The following NKAIN3 variants were observed in gnomAD, a reference collection of about 807,000 sequenced individuals.
NKAIN3 encodes sodium/potassium-transporting ATPase subunit beta-1-interacting protein 3.
Under a neutral mutation model 30.2 loss-of-function variants are expected in NKAIN3, and 25 were observed. That is an observed-to-expected ratio of 0.83 (90% confidence interval 0.60 to 1.16). The LOEUF (loss-of-function observed/expected upper bound fraction) is 1.16. NKAIN3 is among the 50% of genes most tolerant of loss of function. The pLI, the probability that NKAIN3 is intolerant of heterozygous loss-of-function variation, is 0.00. For missense variants in NKAIN3, 225 were observed against 254.1 expected, an observed-to-expected ratio of 0.89 and a Z score of 0.78; for synonymous variants, 91 against 89.6, an observed-to-expected ratio of 1.02 and a Z score of -0.09.
At chr8:62,336,319 T>C (rs1306932009) in intron 1 of NKAIN3, among the ~76,000 whole-genome samples, 1 of 152,116 alleles carries the variant, frequency 6.6e-6, no homozygotes, top group Non-Finnish European at 1.5e-5. Flanking sequence ...CCATTTTGCC[T>C]GTTCATCTTT....
At chr8:62,581,750 TC>T (rs1810299136) in intron 2 of NKAIN3, among the ~76,000 whole-genome samples, 1 of 143,272 alleles carries the variant, frequency 7.0e-6, no homozygotes, top group Non-Finnish European at 1.5e-5. Context: ...CCTCCATCCA[TC>T]CCTTCTTTCC....
intron 4 of NKAIN3, among the ~76,000 whole-genome samples, chr8:62,788,373 T>C (rs563093540): frequency 6.6e-6 from 1 of 152,184 alleles, no homozygotes; most frequent in African/African-American, 2.4e-5. Flanking sequence ...TCGCCCACTT[T>C]TTGATGGGGT....
chr8:62,466,923 T>G lies in NKAIN3; in HGVS notation c.55-112616T>G, dbSNP rs117000832. 2.6e-4 allele frequency among the ~76,000 whole-genome samples: 40 copies of G among 152,300 alleles called. No homozygotes were observed. In the East Asian group the frequency reaches 7.3e-3, roughly 28 times the overall value. Reference sequence around the variant, plus strand: ...AAAAAAGAGAGAGATACTCTCATTTTAAAAGGTTAATCAGATCACACATTT... The same window carrying G: ...AAAAAAGAGAGAGATACTCTCATTTGAAAAGGTTAATCAGATCACACATTT... On this transcript the variant is annotated intron_variant, in intron 1 of 6. Transcript: ENST00000623646.
chr8:62,254,832 G>T (rs889684306), intron 1 of NKAIN3, among the ~76,000 whole-genome samples: 7 of 152,178 alleles, frequency 4.6e-5, no homozygotes, highest in Non-Finnish European at 7.3e-5. Flanking sequence ...TTTATTAAAT[G>T]TTTAGTAAAG....
In NKAIN3 at chr8:62,389,493, C is replaced by T. The variant is rs544489308; in HGVS notation, c.54+140366C>T. Among the ~76,000 whole-genome samples, 32 of 152,302 alleles carry T rather than the reference C, an allele frequency of 2.1e-4. No homozygotes were observed. The Middle Eastern group carries it at 0.014, about 65-fold the overall frequency. On this transcript the variant is annotated intron_variant, in intron 1 of 6. Transcript: ENST00000623646. ...GGCCATCTCAGGGCAGCCTCTGTCA[C>T]ATCAAGCTGAGGGAATTCTTCTCTG...
intron 3 of NKAIN3, among the ~76,000 whole-genome samples, chr8:62,693,752 C>T (rs889067481): frequency 3.3e-5 from 5 of 152,108 alleles, no homozygotes; most frequent in Non-Finnish European, 2.9e-5. Flanking sequence ...CTGCAAAGCC[C>T]TTGGAGCACT....
chr8:62,745,325 T>A (rs1439357835), intron 3 of NKAIN3, among the ~76,000 whole-genome samples: 1 of 152,198 alleles, frequency 6.6e-6, no homozygotes, highest in Non-Finnish European at 1.5e-5. Flanking sequence ...AAAAGTCACG[T>A]ACGGACCCTG....
chr8:62,806,139 A>G (rs1257200043), intron 4 of NKAIN3, among the ~76,000 whole-genome samples: 1 of 152,218 alleles, frequency 6.6e-6, no homozygotes, highest in Non-Finnish European at 1.5e-5. Context: ...GCAATCATTA[A>G]AAAGTTAGGA....
chr8:62,720,958 G>A (rs749532659), intron 3 of NKAIN3, among the ~76,000 whole-genome samples: 41 of 152,120 alleles, frequency 2.7e-4, no homozygotes, highest in Non-Finnish European at 4.0e-4. Context: ...TGCATCTGCC[G>A]CATCGCTTAC....
chr8:62,961,403 TA>T (rs1166566417), intron 6 of NKAIN3, among the ~76,000 whole-genome samples: 3 of 152,102 alleles, frequency 2.0e-5, no homozygotes, highest in African/African-American at 7.2e-5. Flanking sequence ...GGACTGATAC[TA>T]TAGAAATACA....
At chr8:62,489,261 G>T (rs559618926) in intron 1 of NKAIN3, among the ~76,000 whole-genome samples, 3 of 151,264 alleles carry the variant, frequency 2.0e-5, no homozygotes, top group African/African-American at 7.3e-5. Flanking sequence ...TCCTGACCTC[G>T]TGATCTGCCC....
At chr8:62,640,359 C>G (rs1812272439) in intron 3 of NKAIN3, among the ~76,000 whole-genome samples, 1 of 152,028 alleles carries the variant, frequency 6.6e-6, no homozygotes, top group Non-Finnish European at 1.5e-5. Flanking sequence ...TTGCTTTGCC[C>G]TCTCTCTCAC....
intron 2 of NKAIN3, among the ~76,000 whole-genome samples, chr8:62,584,954 T>C (rs1463159322): frequency 1.3e-5 from 2 of 152,208 alleles, no homozygotes; most frequent in African/African-American, 4.8e-5. Context: ...CTAGGCCAAT[T>C]CCTGTATGTA....
At chr8:62,811,927 C>T (rs890726294) in intron 4 of NKAIN3, among the ~76,000 whole-genome samples, 6 of 151,786 alleles carry the variant, frequency 4.0e-5, no homozygotes, top group African/African-American at 1.2e-4. Context: ...GCTATAGACA[C>T]CAAATACTTT....
At chr8:62,603,102 T>C (rs1292664195) in intron 3 of NKAIN3, among the ~76,000 whole-genome samples, 1 of 152,162 alleles carries the variant, frequency 6.6e-6, no homozygotes, top group Admixed American at 6.6e-5. Context: ...AAGATCATTG[T>C]AGAAGAACAA....
At chr8:62,706,216 G>A (rs998099561) in intron 3 of NKAIN3, among the ~76,000 whole-genome samples, 1 of 152,104 alleles carries the variant, frequency 6.6e-6, no homozygotes, top group Non-Finnish European at 1.5e-5. Flanking sequence ...GTATGCATCT[G>A]ATGATGAATC....
chr8:62,297,664 C>T (rs1371724283), intron 1 of NKAIN3, among the ~76,000 whole-genome samples: 1 of 151,734 alleles, frequency 6.6e-6, no homozygotes, highest in Non-Finnish European at 1.5e-5. Flanking sequence ...ATTAAAAAGT[C>T]AGGAAACAAC....
In NKAIN3 at chr8:62,577,717, A is replaced by G. The variant is rs143457573; in HGVS notation, c.55-1822A>G. On this transcript the variant is annotated intron_variant, in intron 1 of 6. Transcript: ENST00000623646. ...CAGAGACAAGCAGGAGGTTGAAAAC[A>G]CTGTGTTGCTTCTTATCTTGCTCTG... is the stretch of plus-strand genomic sequence containing the variant. Among the ~76,000 whole-genome samples, 248 of 151,640 alleles carry G rather than the reference A, an allele frequency of 1.6e-3. 2 individuals carry two copies. The highest frequency in any genetic ancestry group is 5.7e-3 in the African/African-American group (237 of 41,348).
At chr8:62,432,861 G>A (rs928266575) in intron 1 of NKAIN3, among the ~76,000 whole-genome samples, 2 of 152,014 alleles carry the variant, frequency 1.3e-5, no homozygotes, top group African/African-American at 4.8e-5. Flanking sequence ...TGATCCCAAA[G>A]CAGGGCTTTC....
Sources: allele counts gnomAD v4.1 joint callset (sites outside exome capture counted in the v4.1 genomes callset), GRCh38; gene constraint gnomAD v4.1.1; transcripts MANE v1.5; gene names NCBI Gene and HGNC (gene_info 2026-07-23, HGNC 2026-07-21).